Variants in FBXL20 observed in about 807,000 individuals in gnomAD.
The protein encoded by FBXL20 is F-box/LRR-repeat protein 20.
A neutral mutation model predicts 64.0 loss-of-function variants in FBXL20; 11 were observed. That is an observed-to-expected ratio of 0.17 (90% CI 0.11 to 0.28). FBXL20 has a LOEUF of 0.28. FBXL20 is among the 10% of genes least tolerant of loss of function. The pLI, the probability that FBXL20 is intolerant of heterozygous loss-of-function variation, is 1.00. For missense variants in FBXL20, 303 were observed against 526.2 expected (o/e 0.58, Z 4.15); for synonymous variants, 184 against 189.0 (o/e 0.97, Z 0.22).
rs1267884348 is a variant in FBXL20, at chr17:39,315,870, A to AGAGAGAGAGAGAGAGC, written c.105-12232_105-12231insGCTCTCTCTCTCTCTC. 6.5e-5 allele frequency among the ~76,000 whole-genome samples: 9 copies of AGAGAGAGAGAGAGAGC among 139,398 alleles called. No homozygotes were observed. In the East Asian group the frequency reaches 8.2e-4, roughly 13 times the overall value. The allele number at this position is 139,398 out of a possible 152,430, so 91.5% of individuals were successfully genotyped here. On this transcript the variant is annotated intron_variant, in intron 2 of 14. Transcript: ENST00000264658. The stretch of plus-strand genomic sequence containing the variant: ...GAGAGAGAGAGAGAGAGAGAGAGAG[A>AGAGAGAGAGAGAGAGC]GCAACTGTAGAGCGAAATTGGTTAA...
chr17:39,323,205 G>A (rs1190355919), intron 2 of FBXL20, among the ~76,000 whole-genome samples: 11 of 151,782 alleles, frequency 7.2e-5, no homozygotes, highest in African/African-American at 2.4e-4. Flanking sequence ...TCCTGACCTC[G>A]TGATCCGCCC....
At chr17:39,268,263 G>T (rs1179267389) in intron 12 of FBXL20, among the ~76,000 whole-genome samples, 1 of 152,156 alleles carries the variant, frequency 6.6e-6, no homozygotes, top group African/African-American at 2.4e-5. Flanking sequence ...CAAGGCAGGA[G>T]AATTGCTTGA....
intron 1 of FBXL20, among the ~76,000 whole-genome samples, chr17:39,377,657 C>T (rs1416038188): frequency 2.0e-5 from 3 of 152,034 alleles, no homozygotes; most frequent in Admixed American, 6.6e-5. Flanking sequence ...CCCACTACCA[C>T]GCCCGGCTAA....
At chr17:39,307,774 T>C (rs912406015) in intron 2 of FBXL20, among the ~76,000 whole-genome samples, 1 of 151,652 alleles carries the variant, frequency 6.6e-6, no homozygotes, top group African/African-American at 2.4e-5. Context: ...ATTCCAAGAC[T>C]AGCCTGGCCA....
At chr17:39,398,726 G>C (rs988809608) in intron 1 of FBXL20, among the ~76,000 whole-genome samples, 1 of 151,982 alleles carries the variant, frequency 6.6e-6, no homozygotes, top group Non-Finnish European at 1.5e-5. Flanking sequence ...CCAGGCTGGA[G>C]TAAAATGGCA....
intron 2 of FBXL20, among the ~76,000 whole-genome samples, chr17:39,315,662 T>C (rs1199877444): frequency 6.6e-6 from 1 of 151,032 alleles, no homozygotes; most frequent in Non-Finnish European, 1.5e-5. Context: ...TTGGGTAGAG[T>C]GTCAAAGTAA....
At chr17:39,295,901 A>G (rs1349157948) in intron 6 of FBXL20, among the ~76,000 whole-genome samples, 1 of 151,686 alleles carries the variant, frequency 6.6e-6, no homozygotes, top group Non-Finnish European at 1.5e-5. Flanking sequence ...CATCCAGAGT[A>G]TTATATATAG....
intron 1 of FBXL20, among the ~76,000 whole-genome samples, chr17:39,347,671 C>T (rs891790044): frequency 6.6e-6 from 1 of 152,112 alleles, no homozygotes; most frequent in African/African-American, 2.4e-5. Flanking sequence ...GTTTCTTTTG[C>T]TGTGCAGAAG....
intron 2 of FBXL20, among the ~76,000 whole-genome samples, chr17:39,336,410 ACAAAATAAG>A (rs2047522332): frequency 6.6e-6 from 1 of 152,232 alleles, no homozygotes; most frequent in South Asian, 2.1e-4. Flanking sequence ...AGGCTGAGCA[ACAAAATAAG>A]CAGTGAGGGT....
chr17:39,361,808 C>G (rs1186645697), intron 1 of FBXL20, among the ~76,000 whole-genome samples: 2 of 151,386 alleles, frequency 1.3e-5, no homozygotes, highest in African/African-American at 4.9e-5. Context: ...AAAAAAAATG[C>G]TTTCTTGGCC....
In FBXL20 at chr17:39,254,335, C is replaced by CCA. The variant is rs914069198; in HGVS notation, c.*7123_*7124dup. On this transcript the variant is annotated 3_prime_UTR_variant, in exon 15 of 15. Coordinates refer to ENST00000264658, the MANE Select transcript of FBXL20 (RefSeq NM_032875.3). ...GTGCTGGGATTACAGGCGTGAGCCA[C>CCA]CACGCCTGGCTGCAAAGTTTTCTTC... 1 of 152,352 alleles carries CCA rather than the reference C, an allele frequency of 6.6e-6. No individual in the cohort carries two copies. The highest frequency in any genetic ancestry group is 6.5e-5 in the Admixed American group (1 of 15,282). The allele number at this position is 152,352 out of a possible 1,614,324, so 9.4% of individuals were successfully genotyped here.
intron 6 of FBXL20, among the ~76,000 whole-genome samples, chr17:39,293,388 A>G (rs1033818077): frequency 6.6e-6 from 1 of 151,100 alleles, no homozygotes; most frequent in Admixed American, 6.6e-5. Context: ...CGGCCTGGCT[A>G]ATTTTTGTAT....
chr17:39,268,307 C>A (rs943168725), intron 12 of FBXL20, among the ~76,000 whole-genome samples: 1 of 152,062 alleles, frequency 6.6e-6, no homozygotes, highest in African/African-American at 2.4e-5. Flanking sequence ...GAGCTGAGAT[C>A]TCGCCACTGC....
At chr17:39,292,715 G>A (rs1018186475) in intron 6 of FBXL20, among the ~76,000 whole-genome samples, 8 of 151,594 alleles carry the variant, frequency 5.3e-5, no homozygotes, top group Non-Finnish European at 7.4e-5. Context: ...TGCCTCTTCC[G>A]GGTCTATATT....
intron 2 of FBXL20, among the ~76,000 whole-genome samples, chr17:39,328,931 G>A (rs1410837564): frequency 1.3e-5 from 2 of 152,136 alleles, no homozygotes; most frequent in Non-Finnish European, 2.9e-5. Flanking sequence ...AGGCATGCCT[G>A]TAATCCCAGC....
At chr17:39,297,431 C>T (rs1278049140) in intron 5 of FBXL20, 3 of 280,492 alleles carry the variant, frequency 1.1e-5, no homozygotes, top group Middle Eastern at 1.1e-3. Flanking sequence ...GAAGTAATCG[C>T]GGTTTTTGCC....
chr17:39,279,237 G>A (rs1053973727), intron 9 of FBXL20, among the ~76,000 whole-genome samples: 1 of 152,114 alleles, frequency 6.6e-6, no homozygotes, highest in Non-Finnish European at 1.5e-5. Flanking sequence ...GGTAGCTCAC[G>A]CCTGTAATCC....
intron 1 of FBXL20, among the ~76,000 whole-genome samples, chr17:39,370,155 T>C (rs2047901261): frequency 6.7e-6 from 1 of 149,602 alleles, no homozygotes; most frequent in African/African-American, 2.5e-5. Context: ...ATCTTAAAAA[T>C]AATGTTTGCA....
At chr17:39,268,776 T>C in intron 12 of FBXL20, 51 bp downstream of exon 12, 1 of 1,481,150 alleles carries the variant, frequency 6.8e-7, no homozygotes, top group Non-Finnish European at 9.4e-7. Context: ...TGTTGTGTAT[T>C]ATCTAAGTGT....
Sources: gnomAD v4.1 joint callset for allele counts (sites outside exome capture counted in the v4.1 genomes callset) on GRCh38, gnomAD v4.1.1 for gene constraint, MANE v1.5 for transcripts, NCBI Gene and HGNC (gene_info 2026-07-23, HGNC 2026-07-21) for gene names.